The following SLIT2 variants were observed in gnomAD, a reference collection of about 807,000 sequenced individuals.
The protein encoded by SLIT2 is slit guidance ligand 2.
Under a neutral mutation model 185.7 loss-of-function variants are expected in SLIT2, and 41 were observed. The ratio of observed to expected loss-of-function variants is 0.22; its 90% CI spans 0.17 to 0.29. The LOEUF is 0.29. SLIT2 is among the 10% of genes least tolerant of loss of function. The pLI, the probability that SLIT2 is intolerant of heterozygous loss-of-function variation, is 1.00. For missense variants in SLIT2, 1,571 were observed against 1,909.0 expected, an observed-to-expected ratio of 0.82 and a Z score of 3.30; for synonymous variants, 693 against 680.2, an observed-to-expected ratio of 1.02 and a Z score of -0.29.
At chr4:20,509,773 T>C (rs900642427) in intron 9 of SLIT2, among the ~76,000 whole-genome samples, 3 of 152,206 alleles carry the variant, frequency 2.0e-5, no homozygotes, top group African/African-American at 7.2e-5. Flanking sequence ...ATCTTGTCTT[T>C]CTCTGTTAGC....
intron 4 of SLIT2, among the ~76,000 whole-genome samples, chr4:20,286,965 C>T (rs553865358): frequency 6.6e-6 from 1 of 152,110 alleles, no homozygotes; most frequent in Admixed American, 6.5e-5. Context: ...ATAACTGAAG[C>T]CTAAAGTGGT....
chr4:20,326,688 A>C (rs1384037404), intron 4 of SLIT2, among the ~76,000 whole-genome samples: 1 of 141,964 alleles, frequency 7.0e-6, no homozygotes, highest in Non-Finnish European at 1.5e-5. Context: ...TTATCTACTC[A>C]GTTTTTGTTC....
chr4:20,366,035 C>T (rs1254034174), intron 4 of SLIT2, among the ~76,000 whole-genome samples: 2 of 152,098 alleles, frequency 1.3e-5, no homozygotes, highest in Non-Finnish European at 2.9e-5. Flanking sequence ...TGTTGGTTCA[C>T]TTAACATGGA....
intron 4 of SLIT2, among the ~76,000 whole-genome samples, chr4:20,386,731 T>G (rs990832195): frequency 1.3e-5 from 2 of 152,222 alleles, no homozygotes; most frequent in Non-Finnish European, 2.9e-5. Context: ...TGGGAAAATA[T>G]AAATGTTTAA....
intron 4 of SLIT2, among the ~76,000 whole-genome samples, chr4:20,376,229 A>G (rs746258699): frequency 7.9e-5 from 12 of 150,978 alleles, no homozygotes; most frequent in Non-Finnish European, 1.5e-4. Context: ...AATATCACAC[A>G]ACATGGACCT....
In SLIT2 at chr4:20,253,042, C is replaced by G. The variant is rs929475037; in HGVS notation, c.-774C>G. Among the ~76,000 whole-genome samples the G allele has an allele frequency of 6.6e-6, 1 of 152,132 alleles. No individual in the cohort carries two copies. The highest frequency in any genetic ancestry group is 1.5e-5 in the Non-Finnish European group (1 of 68,008). ...GGCAGGTCCTGGTGCAGAGCGTCGC[C>G]AAGGACGCCGAGCGGGAGGCGGGAT... On this transcript the variant is annotated 5_prime_UTR_variant, in exon 1 of 37. Transcript: ENST00000504154.
chr4:20,447,775 C>T (rs1326181900), intron 4 of SLIT2, among the ~76,000 whole-genome samples: 1 of 152,208 alleles, frequency 6.6e-6, no homozygotes, highest in African/African-American at 2.4e-5. Context: ...TTCTCCTAAA[C>T]ACACGGACAC....
chr4:20,416,232 C>T (rs946019289), intron 4 of SLIT2, among the ~76,000 whole-genome samples: 2 of 152,152 alleles, frequency 1.3e-5, no homozygotes, highest in Non-Finnish European at 2.9e-5. Flanking sequence ...GTTCTGGAGG[C>T]TGGAAATCCA....
intron 4 of SLIT2, among the ~76,000 whole-genome samples, chr4:20,387,519 C>CAA (rs1725026801): frequency 6.6e-6 from 1 of 152,076 alleles, no homozygotes; most frequent in Non-Finnish European, 1.5e-5. Flanking sequence ...CTTGAAATAT[C>CAA]TCAGTGTCAT....
chr4:20,323,632 C>T (rs1018315740), intron 4 of SLIT2, among the ~76,000 whole-genome samples: 1 of 152,084 alleles, frequency 6.6e-6, no homozygotes, highest in Admixed American at 6.6e-5. Context: ...TGCTACTTCC[C>T]TTAACCGTCT....
chr4:20,392,471 A>G (rs1378081496), intron 4 of SLIT2, among the ~76,000 whole-genome samples: 1 of 152,114 alleles, frequency 6.6e-6, no homozygotes, highest in Admixed American at 6.6e-5. Context: ...TGTAGACTTC[A>G]TAAATATTAT....
intron 18 of SLIT2, among the ~76,000 whole-genome samples, chr4:20,539,093 A>G (rs944038186): frequency 6.6e-6 from 1 of 152,144 alleles, no homozygotes; most frequent in Non-Finnish European, 1.5e-5. Context: ...CACAAATCAC[A>G]GGGCTCCGAG....
intron 4 of SLIT2, among the ~76,000 whole-genome samples, chr4:20,288,313 C>T (rs1715472327): frequency 6.6e-6 from 1 of 152,168 alleles, no homozygotes; most frequent in African/African-American, 2.4e-5. Flanking sequence ...CGCTCCTTAC[C>T]TCATTGGCTT....
chr4:20,422,724 G>A (rs1366520709), intron 4 of SLIT2, among the ~76,000 whole-genome samples: 1 of 152,068 alleles, frequency 6.6e-6, no homozygotes, highest in East Asian at 1.9e-4. Context: ...TGCCATAAAG[G>A]TGACTTTACA....
chr4:20,499,724 G>A (rs189595452), intron 9 of SLIT2, among the ~76,000 whole-genome samples: 5 of 151,984 alleles, frequency 3.3e-5, no homozygotes, highest in African/African-American at 9.7e-5. Context: ...TCCTGACCTC[G>A]TGATCTGCCT....
chr4:20,617,797 G>A, intron 36 of SLIT2, 147 bp downstream of exon 36: 1 of 620,756 alleles, frequency 1.6e-6, no homozygotes, highest in Non-Finnish European at 2.8e-6. Context: ...GAGAATACTA[G>A]GTCTTCTCAC....
At chr4:20,432,037 GAGAC>G (rs58403102) in intron 4 of SLIT2, among the ~76,000 whole-genome samples, 15,139 of 151,942 alleles carry the variant, frequency 0.1, 813 homozygotes, top group African/African-American at 0.12. Flanking sequence ...GAGAGAGAGA[GAGAC>G]AGACAGACAC....
chr4:20,280,571 G>A (rs1178636953), intron 4 of SLIT2, among the ~76,000 whole-genome samples: 4 of 152,008 alleles, frequency 2.6e-5, no homozygotes, highest in African/African-American at 9.7e-5. Flanking sequence ...AGCCTCTAGG[G>A]AATGTGTGAA....
intron 9 of SLIT2, among the ~76,000 whole-genome samples, chr4:20,502,998 A>G (rs114975118): frequency 6.6e-6 from 1 of 152,126 alleles, no homozygotes; most frequent in Non-Finnish European, 1.5e-5. Context: ...TAAAACTTCT[A>G]TGGGAAAAAA....
Sources: gnomAD v4.1 joint callset for allele counts (sites outside exome capture counted in the v4.1 genomes callset) on GRCh38, gnomAD v4.1.1 for gene constraint, MANE v1.5 for transcripts, NCBI Gene and HGNC (gene_info 2026-07-23, HGNC 2026-07-21) for gene names.